The following FAF2 variants were observed in gnomAD, a reference collection of about 807,000 sequenced individuals.
FAF2 encodes Fas associated factor family member 2.
Under a neutral mutation model 62.3 loss-of-function variants are expected in FAF2, and 9 were observed. The ratio of observed to expected loss-of-function variants is 0.14; its 90% CI spans 0.09 to 0.25. FAF2 has a LOEUF of 0.25. FAF2 is among the 10% of genes least tolerant of loss of function. The pLI, the probability that FAF2 is intolerant of heterozygous loss-of-function variation, is 1.00. For synonymous variants in FAF2, 202 were observed against 198.0 expected (o/e 1.02, Z -0.17); for missense variants, 368 against 556.2 (o/e 0.66, Z 3.40).
intron 1 of FAF2, among the ~76,000 whole-genome samples, chr5:176,475,664 G>A (rs1376084887): frequency 3.9e-5 from 6 of 152,022 alleles, no homozygotes; most frequent in Admixed American, 3.9e-4. Context: ...GCTACTTGGG[G>A]AGCCAAGGCA....
intron 8 of FAF2, among the ~76,000 whole-genome samples, chr5:176,497,860 C>T (rs926649257): frequency 6.6e-6 from 1 of 152,144 alleles, no homozygotes; most frequent in African/African-American, 2.4e-5. Context: ...TAGAAAAATG[C>T]AGAATCAGGC....
At chr5:176,485,876 C>T (rs984311552) in intron 2 of FAF2, among the ~76,000 whole-genome samples, 2 of 152,064 alleles carry the variant, frequency 1.3e-5, no homozygotes, top group African/African-American at 4.8e-5. Context: ...TGACCTGAGG[C>T]TCATACATTG....
chr5:176,507,725 A>G lies in FAF2; in HGVS notation c.*775A>G, dbSNP rs1421044662. ...TCCTTTCTTACCACCTGTGCACCCC[A>G]CTTGGAGCAGTGGGAGGAAATCTGG... On this transcript the variant is annotated 3_prime_UTR_variant, in exon 11 of 11. Coordinates refer to ENST00000261942, the MANE Select transcript of FAF2 (RefSeq NM_014613.3). The G allele has an allele frequency of 2.6e-5, 4 of 152,622 alleles. No individual in the cohort carries two copies. The highest frequency in any genetic ancestry group is 9.7e-5 in the African/African-American group (4 of 41,354). The allele number at this position is 152,622 out of a possible 1,614,324, so 9.5% of individuals were successfully genotyped here.
chr5:176,481,767 G>C (rs1455932263), intron 2 of FAF2, among the ~76,000 whole-genome samples: 2 of 152,014 alleles, frequency 1.3e-5, no homozygotes, highest in Non-Finnish European at 2.9e-5. Flanking sequence ...GCATTCCTCT[G>C]ACCTCAGCTT....
rs575353334 is a variant in FAF2, at chr5:176,470,353, G to A, written c.64-8835G>A. On this transcript the variant is annotated intron_variant, in intron 1 of 10. Transcript: ENST00000261942. ...AGCACTTTGGGAGGCCGAGGCGGGC[G>A]GATCACCTGAGGTCGGGAGTTCGAG... Among the ~76,000 whole-genome samples the A allele has an allele frequency of 1.1e-4, 16 of 152,328 alleles. No individual in the cohort carries two copies. In the South Asian group the frequency reaches 1.4e-3, roughly 14 times the overall value.
chr5:176,483,235 T>C (rs571303629), intron 2 of FAF2, among the ~76,000 whole-genome samples: 1 of 152,234 alleles, frequency 6.6e-6, no homozygotes, highest in South Asian at 2.1e-4. Context: ...GATAGTGTAA[T>C]TTGATGCAGA....
intron 3 of FAF2, among the ~76,000 whole-genome samples, chr5:176,487,945 C>A (rs1028522410): frequency 1.3e-5 from 2 of 152,026 alleles, no homozygotes; most frequent in African/African-American, 2.4e-5. Context: ...CAGGTTCAAG[C>A]GATTCTCCTG....
At chr5:176,456,228 C>A (rs1758275428) in intron 1 of FAF2, among the ~76,000 whole-genome samples, 1 of 152,114 alleles carries the variant, frequency 6.6e-6, no homozygotes, top group African/African-American at 2.4e-5. Flanking sequence ...TGTGCCACCA[C>A]ACCCGGCTAA....
At chr5:176,485,696 C>T (rs1316403725) in intron 2 of FAF2, among the ~76,000 whole-genome samples, 3 of 152,164 alleles carry the variant, frequency 2.0e-5, no homozygotes, top group African/African-American at 7.2e-5. Context: ...TTATTTTGCA[C>T]ATGAGGAAAC....
intron 1 of FAF2, among the ~76,000 whole-genome samples, chr5:176,460,513 CGTGTGTGTGTGTGTGTGTGTGTGTGTGT>C (rs747582699): frequency 7.5e-6 from 1 of 132,626 alleles, no homozygotes; most frequent in African/African-American, 2.8e-5. Context: ...TTTTTGGCCG[CGTGTGTGTGTGTGTGTGTGTGTGTGTGT>C]GTGTGTGTGT....
At chr5:176,506,205 AAC>A (rs1755681864) in intron 10 of FAF2, among the ~76,000 whole-genome samples, 6 of 114,068 alleles carry the variant, frequency 5.3e-5, no homozygotes, top group African/African-American at 7.7e-5. Flanking sequence ...AAAAAAAAAA[AAC>A]AAAAAAAAAA....
At chr5:176,489,615 G>A (rs1439199770) in intron 4 of FAF2, among the ~76,000 whole-genome samples, 1 of 152,110 alleles carries the variant, frequency 6.6e-6, no homozygotes, top group East Asian at 1.9e-4. Context: ...TCGACTCACT[G>A]CAACCTTCAC....
intron 1 of FAF2, among the ~76,000 whole-genome samples, chr5:176,476,857 T>C (rs1462132170): frequency 6.9e-6 from 1 of 145,500 alleles, no homozygotes; most frequent in Non-Finnish European, 1.5e-5. Flanking sequence ...TCACCCAGGC[T>C]GGAGTGCAGT....
In FAF2 at chr5:176,500,041, G is replaced by A. The variant is rs569159857; in HGVS notation, c.1050G>A (p.Leu350=). 34 of 1,614,146 alleles carry A rather than the reference G, an allele frequency of 2.1e-5. No individual in the cohort carries two copies. The East Asian group carries it at 7.6e-4, about 36-fold the overall frequency. ...AAAAGGAAAGGAAGTTGGAATGCCT[G>A]CCCCCTGAACCTTCCCCTGATGACC... ...QEEKERKLEC[L]PPEPSPDDPE... The change falls in exon 10 of 11, where the codon CTG becomes CTA. Residue 350 remains leucine, a synonymous_variant. Transcript: ENST00000261942.
Position 176,500,007 on chromosome 5 carries a change from T to TA in FAF2, c.1017dup (p.Gln340ThrfsTer14). ...CTTTGCTTTGTGTCTCTGCAGAATT[T>TA]ACAGGAGGAAAAGGAAAGGAAGTTG... is the stretch of plus-strand genomic sequence containing the variant. On this transcript the variant is annotated frameshift_variant, in exon 10 of 11. Coordinates refer to ENST00000261942, the MANE Select transcript of FAF2 (RefSeq NM_014613.3). LOFTEE classifies it high-confidence loss of function. The TA allele has an allele frequency of 6.2e-7, 1 of 1,614,166 alleles. No individual in the cohort carries two copies. Among genetic ancestry groups the TA allele is most frequent in the Non-Finnish European group, 8.5e-7 (1 of 1,180,018 alleles).
intron 1 of FAF2, among the ~76,000 whole-genome samples, chr5:176,477,886 T>A (rs1208426506): frequency 6.6e-6 from 1 of 152,192 alleles, no homozygotes; most frequent in African/African-American, 2.4e-5. Flanking sequence ...TACATTCTTG[T>A]CAGGTTGAGA....
rs566588055 is a variant in FAF2, at chr5:176,495,484, T to TA, written c.662-997dup. 5.1e-4 allele frequency among the ~76,000 whole-genome samples: 77 copies of TA among 150,770 alleles called. 1 individual carries two copies. Among genetic ancestry groups the TA allele is most frequent in the African/African-American group, 1.8e-3 (72 of 41,004 alleles). On this transcript the variant is annotated intron_variant, in intron 7 of 10. Coordinates refer to ENST00000261942, the MANE Select transcript of FAF2 (RefSeq NM_014613.3). ...AAACATAGGTAAAACTCTGTTATGGTAAAAATCTTGGTCATTTGGACACCA... is the reference window on the plus strand; with the variant it reads ...AAACATAGGTAAAACTCTGTTATGGTAAAAAATCTTGGTCATTTGGACACCA...
intron 8 of FAF2, among the ~76,000 whole-genome samples, chr5:176,497,138 T>C (rs2963671): frequency 0.83 from 126,489 of 152,134 alleles, 52,754 homozygotes; most frequent in African/African-American, 0.91. Flanking sequence ...AGAGCAGGAC[T>C]CTGTCTTTAA....
chr5:176,478,400 G>A (rs1758737641), intron 1 of FAF2, among the ~76,000 whole-genome samples: 1 of 152,128 alleles, frequency 6.6e-6, no homozygotes, highest in South Asian at 2.1e-4. Context: ...GATCGCTTCA[G>A]TCTGGGAAGT....
Sources: allele counts gnomAD v4.1 joint callset (sites outside exome capture counted in the v4.1 genomes callset), GRCh38; gene constraint gnomAD v4.1.1; transcripts MANE v1.5; gene names NCBI Gene and HGNC (gene_info 2026-07-23, HGNC 2026-07-21).